The following NAV2 variants were observed in gnomAD, a reference collection of about 807,000 sequenced individuals.
The protein encoded by NAV2 is neuron navigator 2, also known as helicase, APC down-regulated 1.
Under a neutral mutation model 223.2 loss-of-function variants are expected in NAV2, and 54 were observed. That is an observed-to-expected ratio of 0.24 (90% confidence interval 0.19 to 0.30). The LOEUF (loss-of-function observed/expected upper bound fraction) is 0.30, where lower values mean the gene tolerates loss of function less well. NAV2 is among the 10% of genes least tolerant of loss of function. The probability of loss-of-function intolerance (pLI) is 1.00; values close to 1 mark genes in which losing one functional copy is unlikely to be tolerated. For synonymous variants in NAV2, 1,279 were observed against 1,239.3 expected (o/e 1.03, Z -0.67); for missense variants, 2,806 against 3,147.5 (o/e 0.89, Z 2.60).
chr11:19,832,748 A>G lies in NAV2; in HGVS notation c.385+147A>G, dbSNP rs878919904. The G allele has an allele frequency of 8.6e-6, 6 of 700,362 alleles. No individual in the cohort carries two copies. In the Admixed American group the frequency reaches 1.3e-4, roughly 15 times the overall value. The allele number at this position is 700,362 out of a possible 1,614,324, so 43.4% of individuals were successfully genotyped here. A position where few individuals can be genotyped will look rare whatever the true frequency, so the allele number is the denominator to read the frequency against. Reference sequence around the variant, plus strand: ...ATTTATTTGATTTGTGTTTTGACTAAGTTGTGTGAGTACCAGCTTGATTTT... The same window carrying G: ...ATTTATTTGATTTGTGTTTTGACTAGGTTGTGTGAGTACCAGCTTGATTTT... On this transcript the variant is annotated intron_variant, in intron 2 of 37. Coordinates refer to ENST00000349880, the MANE Select transcript of NAV2 (RefSeq NM_145117.5).
chr11:19,443,683 C>G (rs1291447735), intron 1 of NAV2, among the ~76,000 whole-genome samples: 2 of 152,222 alleles, frequency 1.3e-5, no homozygotes, highest in Non-Finnish European at 2.9e-5. Flanking sequence ...GCTCTGCTTT[C>G]TACAAGACCC....
At chr11:19,974,909 C>T (rs1370068025) in intron 10 of NAV2, among the ~76,000 whole-genome samples, 3 of 152,182 alleles carry the variant, frequency 2.0e-5, no homozygotes. Context: ...TTGGGCCTCA[C>T]TAAATACATC....
chr11:19,720,076 G>T (rs376290956), intron 1 of NAV2, among the ~76,000 whole-genome samples: 8 of 152,366 alleles, frequency 5.3e-5, no homozygotes, highest in Admixed American at 2.0e-4. Flanking sequence ...AGCAGGCATG[G>T]TTGTAATGAG....
chr11:20,010,525 C>T (rs1017313286), intron 11 of NAV2, among the ~76,000 whole-genome samples: 2 of 151,984 alleles, frequency 1.3e-5, no homozygotes, highest in African/African-American at 2.4e-5. Flanking sequence ...TTTTAATTTG[C>T]GAATTTTGAA....
intron 1 of NAV2, among the ~76,000 whole-genome samples, chr11:19,589,032 C>T (rs904301130): frequency 1.3e-5 from 2 of 152,242 alleles, no homozygotes; most frequent in African/African-American, 2.4e-5. Context: ...CACCATGACT[C>T]ACCATACCTG....
In NAV2 at chr11:19,483,892, G is replaced by C. The variant is rs138309099; in HGVS notation, c.75+132865G>C. Among the ~76,000 whole-genome samples the C allele has an allele frequency of 8.2e-3, 1,242 of 152,206 alleles. 16 individuals carry two copies. Among genetic ancestry groups the C allele is most frequent in the African/African-American group, 0.029 (1,192 of 41,522 alleles). On this transcript the variant is annotated intron_variant, in intron 1 of 37. Coordinates refer to the NAV2 transcript ENST00000360655. ...CACAGAGGTAAAATGACATGCCCCAGGAAGCAGCAGAGCCAGAATGAAAAC... is the reference window on the plus strand; with the variant it reads ...CACAGAGGTAAAATGACATGCCCCACGAAGCAGCAGAGCCAGAATGAAAAC...
chr11:19,979,745 C>T (rs2050135970), intron 10 of NAV2, among the ~76,000 whole-genome samples: 1 of 152,186 alleles, frequency 6.6e-6, no homozygotes, highest in Non-Finnish European at 1.5e-5. Flanking sequence ...TTAGGAAGTG[C>T]TCCCTATATG....
upstream of NAV2, among the ~76,000 whole-genome samples, chr11:19,347,073 C>T (rs532230899): frequency 1.7e-4 from 26 of 152,288 alleles, no homozygotes; most frequent in African/African-American, 4.8e-4. Context: ...TCCCCAGTCC[C>T]GGCAGCCACT....
intron 36 of NAV2, among the ~76,000 whole-genome samples, chr11:20,108,543 A>G (rs1261697023): frequency 6.6e-6 from 1 of 151,868 alleles, no homozygotes; most frequent in Non-Finnish European, 1.5e-5. Flanking sequence ...CCTGGGTTCA[A>G]GCAGTTCTCG....
intron 1 of NAV2, among the ~76,000 whole-genome samples, chr11:19,358,759 A>C (rs182098757): frequency 1.3e-5 from 2 of 152,282 alleles, no homozygotes; most frequent in African/African-American, 4.8e-5. Context: ...CACCTCTTAC[A>C]CAGAGGTGTG....
At chr11:19,456,091 G>T (rs1463709929) in intron 1 of NAV2, among the ~76,000 whole-genome samples, 1 of 152,170 alleles carries the variant, frequency 6.6e-6, no homozygotes, top group Non-Finnish European at 1.5e-5. Context: ...TGTCATCCAA[G>T]CAACCTGGAT....
chr11:19,466,210 C>T (rs1014911210), intron 1 of NAV2, among the ~76,000 whole-genome samples: 1 of 152,108 alleles, frequency 6.6e-6, no homozygotes, highest in Non-Finnish European at 1.5e-5. Flanking sequence ...GGTGACAGGC[C>T]AAGGGAATGG....
intron 6 of NAV2, among the ~76,000 whole-genome samples, chr11:19,911,009 A>G (rs2043262388): frequency 6.6e-6 from 1 of 151,444 alleles, no homozygotes; most frequent in Non-Finnish European, 1.5e-5. Flanking sequence ...TGGCTTTTAC[A>G]GTATCATCAT....
At chr11:19,377,019 G>A (rs1848663590) in intron 1 of NAV2, among the ~76,000 whole-genome samples, 1 of 152,242 alleles carries the variant, frequency 6.6e-6, no homozygotes, top group African/African-American at 2.4e-5. Flanking sequence ...GGAACTTTGA[G>A]TGGTAAGGTG....
chr11:19,420,311 G>A (rs4643053), intron 1 of NAV2, among the ~76,000 whole-genome samples: 109,468 of 152,146 alleles, frequency 0.72, 39,470 homozygotes, highest in African/African-American at 0.75. Context: ...TGGAACAACT[G>A]AAAGTTGCAC....
intron 11 of NAV2, among the ~76,000 whole-genome samples, chr11:19,987,479 G>T (rs2050899096): frequency 2.0e-5 from 3 of 152,238 alleles, no homozygotes; most frequent in African/African-American, 7.2e-5. Flanking sequence ...GCAGATCACT[G>T]TGTGAATAAG....
intron 11 of NAV2, among the ~76,000 whole-genome samples, chr11:19,988,917 GA>G (rs1172564854): frequency 3.9e-5 from 6 of 152,186 alleles, no homozygotes; most frequent in Non-Finnish European, 1.5e-5. Context: ...TGATCTGGAG[GA>G]AAGAGTTTAA....
At chr11:19,771,596 C>G (rs1450892425) in intron 1 of NAV2, among the ~76,000 whole-genome samples, 1 of 151,830 alleles carries the variant, frequency 6.6e-6, no homozygotes, top group Non-Finnish European at 1.5e-5. Flanking sequence ...CTGACCCCCC[C>G]CATTAGAAGG....
chr11:19,430,523 C>T (rs754285815), intron 1 of NAV2, among the ~76,000 whole-genome samples: 47 of 152,328 alleles, frequency 3.1e-4, no homozygotes, highest in Admixed American at 5.9e-4. Flanking sequence ...TAGCTGCTGA[C>T]GCCATCCCCT....
Sources: allele counts gnomAD v4.1 joint callset (sites outside exome capture counted in the v4.1 genomes callset), GRCh38; gene constraint gnomAD v4.1.1; transcripts MANE v1.5; gene names NCBI Gene and HGNC (gene_info 2026-07-23, HGNC 2026-07-21).